NFATC1: variants seen among roughly 807,000 people sequenced by gnomAD.
NFATC1 encodes nuclear factor of activated T-cells, cytoplasmic 1.
A neutral mutation model predicts 76.0 loss-of-function variants in NFATC1; 22 were observed. That is an observed-to-expected ratio of 0.29 (90% CI 0.21 to 0.41). The LOEUF (loss-of-function observed/expected upper bound fraction) is 0.41. Ranked by LOEUF, NFATC1 falls within the 10% of genes least tolerant of loss-of-function variation. The pLI is 1.00. For missense variants in NFATC1, 1,357 were observed against 1,337.7 expected (o/e 1.01, Z -0.23); for synonymous variants, 704 against 613.1 (o/e 1.15, Z -2.19).
At chr18:79,510,420 C>T (rs543983008) in intron 9 of NFATC1, among the ~76,000 whole-genome samples, 23 of 152,310 alleles carry the variant, frequency 1.5e-4, no homozygotes, top group South Asian at 1.4e-3. Context: ...AAATAATTCA[C>T]GTTTAAATCA....
chr18:79,429,593 G>A (rs538672949), intron 2 of NFATC1, among the ~76,000 whole-genome samples: 3 of 152,298 alleles, frequency 2.0e-5, no homozygotes, highest in African/African-American at 7.2e-5. Context: ...GCGGAGTGGA[G>A]TGGGGTGGAG....
chr18:79,416,805 T>C (rs1464535984), intron 2 of NFATC1, among the ~76,000 whole-genome samples: 1 of 152,176 alleles, frequency 6.6e-6, no homozygotes, highest in Non-Finnish European at 1.5e-5. Flanking sequence ...TGGTTCCCGC[T>C]AACCCTTGCT....
rs748153451 is a variant in NFATC1 at position 79,411,545 on chromosome 18, G to A, written c.1226+44G>A. ...GCGGGACGGGGAGGCGAGGGGAGGC[G>A]CGGGGCGGGGCGGAACGCGGGGAGC... On this transcript the variant is annotated intron_variant, in intron 2 of 9. Coordinates refer to ENST00000427363, the MANE Select transcript of NFATC1 (RefSeq NM_001278669.2). 7 of 1,321,740 alleles carry A rather than the reference G, an allele frequency of 5.3e-6. 1 individual carries two copies. The South Asian group carries it at 9.2e-5, about 17-fold the overall frequency. The allele number at this position is 1,321,740 out of a possible 1,614,324, so 81.9% of individuals were successfully genotyped here. A position where few individuals can be genotyped will look rare whatever the true frequency, so the allele number is the denominator to read the frequency against.
intron 3 of NFATC1, among the ~76,000 whole-genome samples, chr18:79,437,218 G>A (rs547412135): frequency 2.0e-5 from 3 of 152,358 alleles, no homozygotes; most frequent in South Asian, 2.1e-4. Flanking sequence ...CCCCCTGTGC[G>A]TGTGAGGGGA....
chr18:79,461,366 G>A lies in NFATC1; in HGVS notation c.1959G>A (p.Pro653=), dbSNP rs1013516921. The part of the protein sequence containing the change: ...EAKTDRDLCK[P]NSLVVEIPPF... The stretch of plus-strand genomic sequence containing the variant: ...AAACTGACCGGGACCTGTGCAAGCC[G>A]GTGAGTGCCTTTGGCGCAGCTGGAG... Residue 653 remains proline (P), a splice_region_variant and synonymous_variant, in exon 7 of 10, where the codon CCG becomes CCA. Coordinates refer to ENST00000427363, the MANE Select transcript of NFATC1 (RefSeq NM_001278669.2). 1 of 1,614,130 alleles carries A rather than the reference G, an allele frequency of 6.2e-7. No individual in the cohort carries two copies. Among genetic ancestry groups the A allele is most frequent in the Non-Finnish European group, 8.5e-7 (1 of 1,179,996 alleles).
At chr18:79,476,963 C>T (rs1045683862) in intron 8 of NFATC1, among the ~76,000 whole-genome samples, 15 of 152,338 alleles carry the variant, frequency 9.8e-5, no homozygotes, top group South Asian at 2.1e-4. Context: ...TTCCCAAAGG[C>T]GGATGGAGTT....
chr18:79,493,299 G>C (rs538023144), intron 9 of NFATC1: 1 of 152,288 alleles, frequency 6.6e-6, no homozygotes, highest in Non-Finnish European at 1.5e-5. Flanking sequence ...GAGAGCGTTT[G>C]TGGGGCCTGT....
intron 8 of NFATC1, among the ~76,000 whole-genome samples, chr18:79,483,960 G>A (rs1205779917): frequency 6.8e-6 from 1 of 146,230 alleles, no homozygotes; most frequent in Non-Finnish European, 1.5e-5. Flanking sequence ...TGTCACTCCA[G>A]GGTGACCTGG....
At chr18:79,476,368 A>G (rs990223003) in intron 8 of NFATC1, among the ~76,000 whole-genome samples, 20 of 152,230 alleles carry the variant, frequency 1.3e-4, no homozygotes, top group African/African-American at 4.8e-4. Flanking sequence ...CACGGCGGGC[A>G]GCGCGGGCGA....
chr18:79,516,460 C>A (rs142739604), intron 9 of NFATC1, among the ~76,000 whole-genome samples: 1 of 152,198 alleles, frequency 6.6e-6, no homozygotes, highest in Admixed American at 6.5e-5. Flanking sequence ...GTTCTAGAGA[C>A]GCTGCGACCC....
At chr18:79,514,390 C>G (rs1182643914) in intron 9 of NFATC1, among the ~76,000 whole-genome samples, 8 of 151,734 alleles carry the variant, frequency 5.3e-5, no homozygotes. Context: ...GCTTGGGCAA[C>G]ATGGTGAAAT....
At chr18:79,438,786 C>T (rs911567386) in intron 3 of NFATC1, among the ~76,000 whole-genome samples, 37 of 152,312 alleles carry the variant, frequency 2.4e-4, no homozygotes, top group Non-Finnish European at 4.0e-4. Flanking sequence ...GGCTCCTGGC[C>T]ATACCCCAAG....
chr18:79,467,659 C>A (rs767611988), intron 8 of NFATC1, 77 bp downstream of exon 8: 1 of 1,589,932 alleles, frequency 6.3e-7, no homozygotes, highest in Non-Finnish European at 8.6e-7. Context: ...GAAACGACGT[C>A]GCCGTAAAGC....
At chr18:79,506,355 C>T (rs996645715) in intron 9 of NFATC1, among the ~76,000 whole-genome samples, 3 of 152,170 alleles carry the variant, frequency 2.0e-5, no homozygotes, top group African/African-American at 7.2e-5. Context: ...GACTGTGCGC[C>T]TTGTCCCCCC....
intron 9 of NFATC1, among the ~76,000 whole-genome samples, chr18:79,517,850 T>C (rs74726111): frequency 0.072 from 10,913 of 152,302 alleles, 498 homozygotes; most frequent in South Asian, 0.12. Context: ...GTGGTACCTA[T>C]ATGAACAAAT....
chr18:79,407,874 C>T (rs1019379419), intron 1 of NFATC1, among the ~76,000 whole-genome samples: 7 of 152,328 alleles, frequency 4.6e-5, no homozygotes, highest in East Asian at 3.9e-4. Context: ...ATCCCCAAGG[C>T]GCTCAGCCTC....
intron 9 of NFATC1, among the ~76,000 whole-genome samples, chr18:79,495,285 G>A (rs2089848129): frequency 6.6e-6 from 1 of 152,248 alleles, no homozygotes; most frequent in Admixed American, 6.5e-5. Flanking sequence ...CTGCTCCTTG[G>A]GGCCTGTGAG....
intron 6 of NFATC1, among the ~76,000 whole-genome samples, chr18:79,456,560 G>A (rs982478767): frequency 6.6e-6 from 1 of 152,262 alleles, no homozygotes; most frequent in Non-Finnish European, 1.5e-5. Flanking sequence ...TGTTTTCCTA[G>A]GGTCTGGTTC....
At chr18:79,512,074 C>A (rs1359476448) in intron 9 of NFATC1, among the ~76,000 whole-genome samples, 1 of 152,230 alleles carries the variant, frequency 6.6e-6, no homozygotes, top group East Asian at 1.9e-4. Context: ...CCGGCCCAAG[C>A]GACCCCTGGC....
Sources: gnomAD v4.1 joint callset for allele counts (sites outside exome capture counted in the v4.1 genomes callset) on GRCh38, gnomAD v4.1.1 for gene constraint, MANE v1.5 for transcripts, NCBI Gene and HGNC (gene_info 2026-07-23, HGNC 2026-07-21) for gene names.